The following ADCY10 variants were observed in gnomAD, a reference collection of about 807,000 sequenced individuals.
ADCY10 encodes the protein adenylate cyclase type 10.
A neutral mutation model predicts 183.3 loss-of-function variants in ADCY10; 156 were observed. That is an observed-to-expected ratio of 0.85 (90% confidence interval 0.75 to 0.97). The LOEUF (loss-of-function observed/expected upper bound fraction) is 0.97. Ranked by LOEUF, ADCY10 falls within the 50% of genes least tolerant of loss-of-function variation. The probability of loss-of-function intolerance (pLI) is 0.00; values close to 1 mark genes in which losing one functional copy is unlikely to be tolerated. For synonymous variants in ADCY10, 645 were observed against 670.0 expected (o/e 0.96, Z 0.58); for missense variants, 1,745 against 1,934.3 (o/e 0.90, Z 1.84).
intron 24 of ADCY10, 26 bp from the exon 25 acceptor site, chr1:167,833,188 G>A: frequency 6.2e-7 from 1 of 1,603,294 alleles, no homozygotes; most frequent in Non-Finnish European, 8.5e-7. Context: ...AGGGAAGAGA[G>A]GAAAAGAGGA....
chr1:167,875,437 G>A (rs1208857420), intron 12 of ADCY10, among the ~76,000 whole-genome samples: 1 of 152,148 alleles, frequency 6.6e-6, no homozygotes, highest in Non-Finnish European at 1.5e-5. Flanking sequence ...ATGCTGTTGA[G>A]TCTGCACTGG....
chr1:167,835,017 G>A (rs1664088541), intron 23 of ADCY10, among the ~76,000 whole-genome samples: 1 of 152,182 alleles, frequency 6.6e-6, no homozygotes, highest in African/African-American at 2.4e-5. Context: ...GGAACTTAGT[G>A]ACATTTTTAA....
chr1:167,843,197 A>C (rs1335474148), intron 21 of ADCY10, among the ~76,000 whole-genome samples: 3 of 152,304 alleles, frequency 2.0e-5, no homozygotes, highest in South Asian at 4.2e-4. Flanking sequence ...AATAACTGAA[A>C]TTGTTTGCTT....
chr1:167,810,603 A>G (rs1384497509), intron 32 of ADCY10, 122 bp downstream of exon 32: 6 of 894,590 alleles, frequency 6.7e-6, no homozygotes, highest in African/African-American at 6.6e-5. Context: ...TTGTTCATCA[A>G]TGACCCAGTC....
intron 31 of ADCY10, among the ~76,000 whole-genome samples, chr1:167,812,035 C>T (rs925412430): frequency 6.6e-6 from 1 of 152,238 alleles, no homozygotes; most frequent in Non-Finnish European, 1.5e-5. Flanking sequence ...TGTCCCCCAG[C>T]CTCAAAACCT....
At chr1:167,831,171 A>T (rs902027601) in intron 25 of ADCY10, among the ~76,000 whole-genome samples, 2 of 151,888 alleles carry the variant, frequency 1.3e-5, no homozygotes, top group African/African-American at 2.4e-5. Context: ...TTCTTAGGAA[A>T]CATGGACAGG....
In ADCY10 at chr1:167,859,832, A is replaced by T. The variant is rs780418550; in HGVS notation, c.1871T>A (p.Ile624Lys). Residue 624 changes from isoleucine to lysine, a missense_variant, in exon 16 of 33, where the codon ATA becomes AAA. By Grantham distance (102) the Ile-to-Lys change is moderately radical. Coordinates refer to ENST00000367851, the MANE Select transcript of ADCY10 (RefSeq NM_018417.6). Reference protein sequence around the residue: ...STLKKQKQLEILFMKILKLIV... With the variant: ...STLKKQKQLEKLFMKILKLIV... ...CAGCTTCAAGATCTTCATAAACAAT[A>T]TTTCCAATTGTTTTTGCTTTTTCAA... 1.2e-6 allele frequency: 2 copies of T among 1,613,338 alleles called. No individual in the cohort carries two copies. Among genetic ancestry groups the T allele is most frequent in the African/African-American group, 1.3e-5 (1 of 74,870 alleles).
chr1:167,847,008 CT>C (rs1665087122), intron 19 of ADCY10, among the ~76,000 whole-genome samples: 1 of 151,946 alleles, frequency 6.6e-6, no homozygotes, highest in Admixed American at 6.6e-5. Flanking sequence ...TCACTGCAAC[CT>C]CCGCCTCCTG....
chr1:167,834,361 C>T (rs1418358198), intron 23 of ADCY10: 12 of 502,854 alleles, frequency 2.4e-5, no homozygotes, highest in Non-Finnish European at 4.0e-5. Flanking sequence ...TCTAGGTTGC[C>T]TTACCCGAAG....
At chr1:167,863,620 G>C (rs898462719) in intron 14 of ADCY10, among the ~76,000 whole-genome samples, 1 of 152,196 alleles carries the variant, frequency 6.6e-6, no homozygotes, top group Non-Finnish European at 1.5e-5. Flanking sequence ...AGATGGTCGA[G>C]GCAGCTCCTT....
intron 14 of ADCY10, among the ~76,000 whole-genome samples, chr1:167,866,785 A>C (rs1195036539): frequency 6.6e-6 from 1 of 152,118 alleles, no homozygotes; most frequent in Non-Finnish European, 1.5e-5. Context: ...ATCTTCAAAA[A>C]AAAAAAATGG....
chr1:167,851,054 C>A (rs909045047), intron 18 of ADCY10, among the ~76,000 whole-genome samples: 3 of 152,186 alleles, frequency 2.0e-5, no homozygotes, highest in Non-Finnish European at 4.4e-5. Context: ...GCCCTATTTA[C>A]TATATCCTAG....
chr1:167,824,180 G>C (rs1352302297), intron 28 of ADCY10, among the ~76,000 whole-genome samples: 2 of 152,136 alleles, frequency 1.3e-5, no homozygotes, highest in Non-Finnish European at 2.9e-5. Context: ...AAATTAGCTG[G>C]GTGTGGTGGC....
At chr1:167,863,226 G>T (rs1320172351) in intron 14 of ADCY10, among the ~76,000 whole-genome samples, 1 of 152,150 alleles carries the variant, frequency 6.6e-6, no homozygotes, top group Non-Finnish European at 1.5e-5. Flanking sequence ...AAGCTCGGTA[G>T]TTAAAATTCG....
At chr1:167,870,783 T>A (rs1288422441) in intron 13 of ADCY10, among the ~76,000 whole-genome samples, 1 of 150,418 alleles carries the variant, frequency 6.6e-6, no homozygotes, top group African/African-American at 2.5e-5. Flanking sequence ...CACTCCAGCC[T>A]GGGCGACAAG....
chr1:167,876,370 G>C (rs983706522), intron 12 of ADCY10, among the ~76,000 whole-genome samples: 1 of 152,050 alleles, frequency 6.6e-6, no homozygotes, highest in Non-Finnish European at 1.5e-5. Context: ...ACAGGATACT[G>C]ACAGTATCCA....
In ADCY10 at chr1:167,870,278, A is replaced by G. The variant is rs200416907; in HGVS notation, c.1595T>C (p.Leu532Pro). ...TCACCTGTGATTCTTACCTTGGGCC[A>G]GGTACTCAATTTTCATAAGTATCTG... ...KSQILMKIEY[L>P]AQGKNHRIIA... The change falls in exon 14 of 33, where the codon CTG (leucine) becomes CCG (proline). Residue 532 changes from leucine (L) to proline (P), a missense_variant. Physicochemically the swap from Leu to Pro is moderately conservative, Grantham distance 98 (BLOSUM62 -3). Coordinates refer to ENST00000367851, the MANE Select transcript of ADCY10 (RefSeq NM_018417.6). 1.5e-5 allele frequency: 25 copies of G among 1,614,092 alleles called. No homozygotes were observed. In the Admixed American group the frequency reaches 2.8e-4, roughly 18 times the overall value.
intron 21 of ADCY10, among the ~76,000 whole-genome samples, chr1:167,844,515 G>A (rs1015954527): frequency 6.6e-6 from 1 of 152,184 alleles, no homozygotes; most frequent in Non-Finnish European, 1.5e-5. Flanking sequence ...GGTATAATGA[G>A]CAGAGGATGA....
chr1:167,827,427 A>C (rs1420907996), intron 26 of ADCY10, among the ~76,000 whole-genome samples: 4 of 150,838 alleles, frequency 2.7e-5, no homozygotes, highest in Non-Finnish European at 5.9e-5. Context: ...CGGCCTCCCA[A>C]AGTGCTAGGA....
Sources: gnomAD v4.1 joint callset for allele counts (sites outside exome capture counted in the v4.1 genomes callset) on GRCh38, gnomAD v4.1.1 for gene constraint, MANE v1.5 for transcripts, NCBI Gene and HGNC (gene_info 2026-07-23, HGNC 2026-07-21) for gene names.